The following CTNNA3 variants were observed in gnomAD, a reference collection of about 807,000 sequenced individuals.
CTNNA3 encodes catenin alpha 3, also known as catenin alpha-3.
Under a neutral mutation model 95.7 loss-of-function variants are expected in CTNNA3, and 76 were observed. That is an observed-to-expected ratio of 0.79 (90% CI 0.66 to 0.96). The LOEUF is 0.96. Among genes scored for constraint, CTNNA3 ranks in the 40% least tolerant of loss-of-function variants. The probability of loss-of-function intolerance (pLI) is 0.00; values close to 1 mark genes in which losing one functional copy is unlikely to be tolerated. For missense variants in CTNNA3, 1,191 were observed against 1,089.8 expected (o/e 1.09, Z -1.31); for synonymous variants, 431 against 374.4 (o/e 1.15, Z -1.74).
At chr10:67,583,809 TG>T (rs1358467411) in intron 3 of CTNNA3, among the ~76,000 whole-genome samples, 1 of 152,218 alleles carries the variant, frequency 6.6e-6, no homozygotes, top group African/African-American at 2.4e-5. Flanking sequence ...TTAATTCATT[TG>T]ATCTTCAATC....
chr10:67,490,774 T>C (rs908345618), intron 5 of CTNNA3, among the ~76,000 whole-genome samples: 2 of 152,030 alleles, frequency 1.3e-5, no homozygotes, highest in Non-Finnish European at 2.9e-5. Flanking sequence ...CTCTAAGAGG[T>C]GGTCTTAGAA....
chr10:66,117,231 T>C (rs183113067), intron 13 of CTNNA3, among the ~76,000 whole-genome samples: 96 of 152,264 alleles, frequency 6.3e-4, no homozygotes, highest in African/African-American at 2.2e-3. Context: ...ACATATTAAA[T>C]TGTATATTTT....
intron 7 of CTNNA3, among the ~76,000 whole-genome samples, chr10:66,932,040 C>T (rs1175213820): frequency 2.6e-5 from 4 of 152,180 alleles, no homozygotes; most frequent in Admixed American, 1.3e-4. Flanking sequence ...GCCTCCCCTT[C>T]CGGCTTTAGA....
At chr10:65,931,959 A>G (rs2077259928) in intron 17 of CTNNA3, among the ~76,000 whole-genome samples, 1 of 152,194 alleles carries the variant, frequency 6.6e-6, no homozygotes. Flanking sequence ...GAGAAGCAAG[A>G]AGCCATGTGT....
intron 7 of CTNNA3, chr10:67,097,601 G>A: frequency 6.2e-7 from 1 of 1,612,110 alleles, no homozygotes; most frequent in Non-Finnish European, 8.5e-7. Flanking sequence ...CTTTATCAAT[G>A]AATGTGTCAA....
At chr10:66,650,919 C>T (rs1845873602) in intron 9 of CTNNA3, among the ~76,000 whole-genome samples, 1 of 152,152 alleles carries the variant, frequency 6.6e-6, no homozygotes, top group African/African-American at 2.4e-5. Context: ...TGGAAGGAAA[C>T]CCCAACACGT....
chr10:66,702,633 A>T (rs984638788), intron 9 of CTNNA3, among the ~76,000 whole-genome samples: 3 of 149,208 alleles, frequency 2.0e-5, no homozygotes, highest in African/African-American at 5.0e-5. Context: ...TTGAACTTGG[A>T]AGGTGGTGGT....
chr10:66,635,911 C>T (rs904665002), intron 9 of CTNNA3, among the ~76,000 whole-genome samples: 1 of 151,668 alleles, frequency 6.6e-6, no homozygotes, highest in African/African-American at 2.4e-5. Flanking sequence ...TTGAAATTTA[C>T]CATAATTATA....
chr10:66,033,764 A>G lies in CTNNA3; in HGVS notation c.2159+35544T>C, dbSNP rs565451839. Reference sequence around the variant, plus strand: ...AAACCTTAAGGCTGGATTTTCTATAACTTCAGACCCAACCAGATGACATTT... The same window carrying G: ...AAACCTTAAGGCTGGATTTTCTATAGCTTCAGACCCAACCAGATGACATTT... On this transcript the variant is annotated intron_variant, in intron 15 of 17. Coordinates refer to ENST00000433211, the MANE Select transcript of CTNNA3 (RefSeq NM_013266.4). 1.4e-4 allele frequency among the ~76,000 whole-genome samples: 22 copies of G among 152,298 alleles called. No individual in the cohort carries two copies. The South Asian group carries it at 3.9e-3, about 27-fold the overall frequency.
At chr10:67,258,798 AGG>A (rs999840454) in intron 5 of CTNNA3, among the ~76,000 whole-genome samples, 6 of 152,284 alleles carry the variant, frequency 3.9e-5, no homozygotes, top group African/African-American at 1.4e-4. Flanking sequence ...TCAGAATTAA[AGG>A]TGTTCAAATA....
At chr10:67,491,414 G>C (rs1315841808) in intron 5 of CTNNA3, among the ~76,000 whole-genome samples, 1 of 152,162 alleles carries the variant, frequency 6.6e-6, no homozygotes, top group East Asian at 1.9e-4. Context: ...CAAGTGATGG[G>C]ATAAAAGTAT....
intron 1 of CTNNA3, among the ~76,000 whole-genome samples, chr10:67,720,129 C>CTGTTTTTTTTTTTTTTTTTTTT (rs1841170774): frequency 1.5e-4 from 1 of 6,612 alleles, no homozygotes; most frequent in Non-Finnish European, 3.6e-4. Flanking sequence ...GCAACCCCTG[C>CTGTTTTTTTTTTTTTTTTTTTT]TTTTTTTTTT....
intron 5 of CTNNA3, among the ~76,000 whole-genome samples, chr10:67,230,360 A>T (rs991334415): frequency 6.6e-6 from 1 of 152,220 alleles, no homozygotes; most frequent in African/African-American, 2.4e-5. Context: ...ACCTGAAATT[A>T]TAAAAACTCT....
chr10:67,041,574 A>G (rs1268408682), intron 7 of CTNNA3, among the ~76,000 whole-genome samples: 1 of 152,138 alleles, frequency 6.6e-6, no homozygotes, highest in African/African-American at 2.4e-5. Context: ...TGACTGGCTC[A>G]TAAAAGCAAT....
chr10:67,129,346 C>T (rs1859877307), intron 7 of CTNNA3, among the ~76,000 whole-genome samples: 1 of 152,132 alleles, frequency 6.6e-6, no homozygotes. Flanking sequence ...ACTTATTCCT[C>T]TAAGTTTAAA....
Position 66,822,089 on chromosome 10 carries a change from TTA to T in CTNNA3, c.1048-46567_1048-46566del, listed in dbSNP as rs1431220380. The stretch of plus-strand genomic sequence containing the variant: ...ATTATGTTATATAAAATTACATATA[TTA>T]TATGTAAAATTTATGCATAAATATT... On this transcript the variant is annotated intron_variant, in intron 7 of 17. Transcript: ENST00000433211. Among the ~76,000 whole-genome samples, 3 of 142,332 alleles carry T rather than the reference TTA, an allele frequency of 2.1e-5. No individual in the cohort carries two copies. The Admixed American group carries it at 2.2e-4, about 11-fold the overall frequency. The allele number at this position is 142,332 out of a possible 152,430, so 93.4% of individuals were successfully genotyped here.
Position 66,766,407 on chromosome 10 carries a change from C to G in CTNNA3, c.1138G>C (p.Ala380Pro), listed in dbSNP as rs772731501. The G allele has an allele frequency of 1.2e-6, 2 of 1,606,674 alleles. No individual in the cohort carries two copies. Among genetic ancestry groups the G allele is most frequent in the East Asian group, 2.2e-5 (1 of 44,806 alleles). ...TRDLRRQLRK[A>P]IIDHVSDSFL... is the part of the protein sequence containing the mutation. ...GAGTCTGACACATGATCTATAATAGCCTTGCGGAGCTGAGAAGAAATGAAA... is the reference window on the plus strand; with the variant it reads ...GAGTCTGACACATGATCTATAATAGGCTTGCGGAGCTGAGAAGAAATGAAA... Residue 380 changes from alanine (A) to proline (P), a missense_variant, in exon 9 of 18, where the codon GCT (alanine) becomes CCT (proline). Coordinates refer to ENST00000433211, the MANE Select transcript of CTNNA3 (RefSeq NM_013266.4).
chr10:67,194,895 G>A lies in CTNNA3; in HGVS notation c.844-14375C>T, dbSNP rs570149610. Among the ~76,000 whole-genome samples the A allele has an allele frequency of 5.9e-5, 9 of 151,864 alleles. No individual in the cohort carries two copies. The South Asian group carries it at 1.7e-3, about 28-fold the overall frequency. ...CTCTAAAATAAAGTCTTAAAAATAA[G>A]AAAAAAATTAGTATTACAGAAAAGT... On this transcript the variant is annotated intron_variant, in intron 6 of 17. Coordinates refer to ENST00000433211, the MANE Select transcript of CTNNA3 (RefSeq NM_013266.4).
At chr10:66,087,910 AAGAT>A (rs1364750752) in intron 14 of CTNNA3, among the ~76,000 whole-genome samples, 3 of 152,110 alleles carry the variant, frequency 2.0e-5, no homozygotes, top group Non-Finnish European at 2.9e-5. Context: ...CCTCTATCAA[AAGAT>A]AGAGAACAAA....
Sources: allele counts gnomAD v4.1 joint callset (sites outside exome capture counted in the v4.1 genomes callset), GRCh38; gene constraint gnomAD v4.1.1; transcripts MANE v1.5; gene names NCBI Gene and HGNC (gene_info 2026-07-23, HGNC 2026-07-21).